Variants in CCDC134 observed in about 807,000 individuals in gnomAD.
The protein encoded by CCDC134 is coiled-coil domain containing 134.
A neutral mutation model predicts 25.6 loss-of-function variants in CCDC134; 27 were observed. The observed-to-expected ratio is 1.05, with a 90% CI of 0.78 to 1.45. CCDC134 has a LOEUF of 1.45. Ranked by LOEUF, CCDC134 falls within the 40% of genes most tolerant of loss-of-function variation. The pLI is 0.00. For missense variants in CCDC134, 261 were observed against 286.7 expected, an observed-to-expected ratio of 0.91 and a Z score of 0.65; for synonymous variants, 110 against 115.0, an observed-to-expected ratio of 0.96 and a Z score of 0.28.
rs1166567669 is a variant in CCDC134, at chr22:41,830,533, C to T, written c.*4710C>T. On this transcript the variant is annotated 3_prime_UTR_variant, in exon 7 of 7. Coordinates refer to ENST00000255784, the MANE Select transcript of CCDC134 (RefSeq NM_024821.5). ...CTGGGCAGCACAGTTGAAGGTGGCA[C>T]CTTCCTGCTCAGTGCTGTGTCCAGA... 6.6e-6 allele frequency among the ~76,000 whole-genome samples: 1 copy of T among 152,192 alleles called. No individual in the cohort carries two copies. Among genetic ancestry groups the T allele is most frequent in the Non-Finnish European group, 1.5e-5 (1 of 68,028 alleles).
chr22:41,804,441 T>C (rs1164918983), intron 1 of CCDC134, among the ~76,000 whole-genome samples: 1 of 152,192 alleles, frequency 6.6e-6, no homozygotes. Context: ...TAGTCCAGTA[T>C]ACAAGTAGAT....
At chr22:41,802,296 C>G (rs916003561) in intron 1 of CCDC134, among the ~76,000 whole-genome samples, 5 of 152,198 alleles carry the variant, frequency 3.3e-5, no homozygotes, top group African/African-American at 1.2e-4. Context: ...AAAAACTTTA[C>G]TGATCAGTCA....
chr22:41,811,056 A>G (rs1298583955), intron 4 of CCDC134, among the ~76,000 whole-genome samples: 1 of 152,140 alleles, frequency 6.6e-6, no homozygotes, highest in Non-Finnish European at 1.5e-5. Flanking sequence ...CCACCCTGGC[A>G]TATCTTTGGA....
chr22:41,801,360 G>A (rs1218090522), intron 1 of CCDC134, among the ~76,000 whole-genome samples: 2 of 152,054 alleles, frequency 1.3e-5, no homozygotes, highest in African/African-American at 4.8e-5. Context: ...GTCTGTAACT[G>A]AGCATCTCTC....
rs905519825 is a variant in CCDC134 at position 41,828,289 on chromosome 22, A to T, written c.*2466A>T. On this transcript the variant is annotated 3_prime_UTR_variant, in exon 7 of 7. Coordinates refer to ENST00000255784, the MANE Select transcript of CCDC134 (RefSeq NM_024821.5). ...TTGGGCCCCCCATCTCAGAATGCCC[A>T]GTGGTTGAAAGGATGAAACCTGGAA... Among the ~76,000 whole-genome samples, 1 of 152,178 alleles carries T rather than the reference A, an allele frequency of 6.6e-6. No homozygotes were observed. The highest frequency in any genetic ancestry group is 1.5e-5 in the Non-Finnish European group (1 of 68,038).
At chr22:41,817,229 C>T (rs1401770227) in intron 6 of CCDC134, among the ~76,000 whole-genome samples, 1 of 152,118 alleles carries the variant, frequency 6.6e-6, no homozygotes, top group East Asian at 1.9e-4. Flanking sequence ...TTGTGCCACT[C>T]CTTGGTAGTG....
rs1019658836 is a variant in CCDC134 at position 41,829,149 on chromosome 22, C to T, written c.*3326C>T. On this transcript the variant is annotated 3_prime_UTR_variant, in exon 7 of 7. Coordinates refer to ENST00000255784, the MANE Select transcript of CCDC134 (RefSeq NM_024821.5). ...GTGTCCAGACATTGCCAGATGTCCACTGGGAGGGAAAACCTCTCTGGTCCA... is the reference window on the plus strand; with the variant it reads ...GTGTCCAGACATTGCCAGATGTCCATTGGGAGGGAAAACCTCTCTGGTCCA... 6.6e-6 allele frequency among the ~76,000 whole-genome samples: 1 copy of T among 152,188 alleles called. No individual in the cohort carries two copies. The highest frequency in any genetic ancestry group is 6.5e-5 in the Admixed American group (1 of 15,282).
intron 6 of CCDC134, among the ~76,000 whole-genome samples, chr22:41,820,091 G>A (rs1438425682): frequency 1.4e-5 from 2 of 147,240 alleles, no homozygotes. Context: ...TGCCTCCCAG[G>A]TTCACGCCAT....
At chr22:41,813,005 G>A (rs918384798) in intron 4 of CCDC134, among the ~76,000 whole-genome samples, 29 of 152,210 alleles carry the variant, frequency 1.9e-4, no homozygotes, top group Middle Eastern at 3.2e-3. Context: ...ACTAGCTGCT[G>A]AGCCTCAGTT....
rs752663777 is a variant in CCDC134 at position 41,813,742 on chromosome 22, C to T, written c.493-9C>T. On this transcript the variant is annotated splice_polypyrimidine_tract_variant and intron_variant, in intron 5 of 6. Coordinates refer to ENST00000255784, the MANE Select transcript of CCDC134 (RefSeq NM_024821.5). ...AGGCAGATGATGACTAGTGTTTCTTCATCTGCAGATGGCCCAGGAGCTGGG... is the reference window on the plus strand; with the variant it reads ...AGGCAGATGATGACTAGTGTTTCTTTATCTGCAGATGGCCCAGGAGCTGGG... 43 of 1,613,396 alleles carry T rather than the reference C, an allele frequency of 2.7e-5. No individual in the cohort carries two copies. Among genetic ancestry groups the T allele is most frequent in the Admixed American group, 2.0e-4 (12 of 60,004 alleles).
intron 6 of CCDC134, among the ~76,000 whole-genome samples, chr22:41,817,470 A>G (rs2076628110): frequency 6.6e-6 from 1 of 151,886 alleles, no homozygotes; most frequent in South Asian, 2.1e-4. Context: ...ATGGTGGCTC[A>G]CACCTGTAAT....
chr22:41,813,432 C>A lies in CCDC134; in HGVS notation c.479C>A (p.Pro160His). The A allele has an allele frequency of 6.2e-7, 1 of 1,614,214 alleles. No homozygotes were observed. The highest frequency in any genetic ancestry group is 8.5e-7 in the Non-Finnish European group (1 of 1,180,048). Residue 160 changes from proline (P) to histidine (H), a missense_variant, in exon 5 of 7, where the codon CCC (proline) becomes CAC (histidine). Transcript: ENST00000255784. ...TGVFNQGPHSPILSLMAQELG... is the reference protein window; with the variant it reads ...TGVFNQGPHSHILSLMAQELG... Reference sequence around the variant, plus strand: ...GTCTTCAACCAGGGGCCCCACTCGCCCATCCTCAGCCTGGTAAGGACTGGG... The same window carrying A: ...GTCTTCAACCAGGGGCCCCACTCGCACATCCTCAGCCTGGTAAGGACTGGG...
At chr22:41,819,028 A>G (rs2076636029) in intron 6 of CCDC134, among the ~76,000 whole-genome samples, 1 of 152,210 alleles carries the variant, frequency 6.6e-6, no homozygotes, top group African/African-American at 2.4e-5. Flanking sequence ...ACTTGGACAT[A>G]ACCACAGCAG....
Position 41,826,067 on chromosome 22 carries a change from C to G in CCDC134, c.*244C>G. The G allele has an allele frequency of 4.6e-6, 2 of 430,866 alleles. No homozygotes were observed. Among genetic ancestry groups the G allele is most frequent in the Non-Finnish European group, 8.6e-6 (2 of 233,368 alleles). 26.7% of individuals were successfully genotyped at this position (430,866 alleles called of 1,614,324 possible). The stretch of plus-strand genomic sequence containing the variant: ...GAGGATTTTATGCTGGAAATATGAC[C>G]CTGTGCAGACTGCTGGGGGAGGCAG... On this transcript the variant is annotated 3_prime_UTR_variant, in exon 7 of 7. Coordinates refer to ENST00000255784, the MANE Select transcript of CCDC134 (RefSeq NM_024821.5).
chr22:41,805,493 G>A (rs918211807), intron 1 of CCDC134, among the ~76,000 whole-genome samples: 1 of 152,152 alleles, frequency 6.6e-6, no homozygotes, highest in African/African-American at 2.4e-5. Context: ...GTTAAATAGG[G>A]AGAAAAAGTA....
rs186050252 is a variant in CCDC134 at position 41,826,963 on chromosome 22, C to A, written c.*1140C>A. On this transcript the variant is annotated 3_prime_UTR_variant, in exon 7 of 7. Transcript: ENST00000255784. The stretch of plus-strand genomic sequence containing the variant: ...ACCACTGACAGAGCACAAGTGAGAT[C>A]TGAGTGTTAGCCCTTCAGATTTGCT... Among the ~76,000 whole-genome samples the A allele has an allele frequency of 6.6e-6, 1 of 152,272 alleles. No homozygotes were observed. The highest frequency in any genetic ancestry group is 2.4e-5 in the African/African-American group (1 of 41,478).
In CCDC134 at chr22:41,813,317, T is replaced by G; in HGVS notation, c.364T>G (p.Phe122Val). Residue 122 changes from phenylalanine to valine, a missense_variant, in exon 5 of 7, where the codon TTC becomes GTC. Coordinates refer to ENST00000255784, the MANE Select transcript of CCDC134 (RefSeq NM_024821.5). The stretch of plus-strand genomic sequence containing the variant: ...CTTCTTCGGCGATGTGGTGCTGCGC[T>G]TCCCGAGGATTGTGCACTATTACTT... ...TAFFGDVVLRFPRIVHYYFDH... is the reference protein window; with the variant it reads ...TAFFGDVVLRVPRIVHYYFDH... 6.2e-7 allele frequency: 1 copy of G among 1,614,214 alleles called. No homozygotes were observed. The highest frequency in any genetic ancestry group is 8.5e-7 in the Non-Finnish European group (1 of 1,180,042).
chr22:41,807,561 C>CAAA (rs34676090), intron 1 of CCDC134, among the ~76,000 whole-genome samples: 17 of 132,058 alleles, frequency 1.3e-4, no homozygotes, highest in Admixed American at 3.0e-4. Context: ...GACCCTGTCT[C>CAAA]AAAAAAAAAA....
intron 1 of CCDC134, among the ~76,000 whole-genome samples, chr22:41,805,144 T>A (rs192925237): frequency 6.6e-6 from 1 of 151,844 alleles, no homozygotes; most frequent in East Asian, 1.9e-4. Context: ...AGAATACTCA[T>A]GAATAGACCA....
Sources: gnomAD v4.1 joint callset for allele counts (sites outside exome capture counted in the v4.1 genomes callset) on GRCh38, gnomAD v4.1.1 for gene constraint, MANE v1.5 for transcripts, NCBI Gene and HGNC (gene_info 2026-07-23, HGNC 2026-07-21) for gene names.